Variants in CEP85 observed in about 807,000 individuals in gnomAD.
CEP85 encodes the protein centrosomal protein of 85 kDa.
Under a neutral mutation model 93.7 loss-of-function variants are expected in CEP85, and 58 were observed. That is an observed-to-expected ratio of 0.62 (90% CI 0.50 to 0.77). The LOEUF (loss-of-function observed/expected upper bound fraction) is 0.77. CEP85 is among the 30% of genes least tolerant of loss of function. The pLI, the probability that CEP85 is intolerant of heterozygous loss-of-function variation, is 0.00. For missense variants in CEP85, 868 were observed against 922.0 expected, an observed-to-expected ratio of 0.94 and a Z score of 0.76; for synonymous variants, 314 against 338.6, an observed-to-expected ratio of 0.93 and a Z score of 0.80.
Position 26,272,617 on chromosome 1 carries a change from ATTTTTTTT to A in CEP85, c.1794+566_1794+573del, listed in dbSNP as rs397861910. On this transcript the variant is annotated intron_variant, in intron 11 of 13. Coordinates refer to ENST00000451429, the MANE Select transcript of CEP85 (RefSeq NM_001319944.2). ...GTAGGTGGTGGGCATCTATTACAGC[ATTTTTTTT>A]TTTTTTTTTTTTTTTTTTTGGAGAC... Among the ~76,000 whole-genome samples, 15 of 89,690 alleles carry A rather than the reference ATTTTTTTT, an allele frequency of 1.7e-4. No homozygotes were observed. The South Asian group carries it at 4.4e-3, about 26-fold the overall frequency. The allele number at this position is 89,690 out of a possible 152,430, so 58.8% of individuals were successfully genotyped here.
intron 7 of CEP85, among the ~76,000 whole-genome samples, chr1:26,264,529 T>G (rs1465060586): frequency 6.6e-6 from 1 of 152,070 alleles, no homozygotes; most frequent in Non-Finnish European, 1.5e-5. Flanking sequence ...GTGAGACTCC[T>G]TCAAAAAAAT....
chr1:26,276,576 A>C lies in CEP85; in HGVS notation c.1944A>C (p.Thr648=), dbSNP rs746148727. Residue 648 remains threonine, a synonymous_variant, in exon 13 of 14, where the codon ACA becomes ACC. Coordinates refer to ENST00000451429, the MANE Select transcript of CEP85 (RefSeq NM_001319944.2). The part of the protein sequence containing the change: ...QNQDLIEKNL[T]LQEHLRQAQP... ...AGGACTTGATTGAGAAGAATCTGAC[A>C]CTCCAGGAACACCTGCGCCAGGCCC... 6.2e-7 allele frequency: 1 copy of C among 1,614,054 alleles called. No homozygotes were observed. The highest frequency in any genetic ancestry group is 1.1e-5 in the South Asian group (1 of 91,076).
Position 26,241,502 on chromosome 1 carries a change from G to A in CEP85, c.55+1664G>A, listed in dbSNP as rs61235355. Among the ~76,000 whole-genome samples, 1,364 of 151,926 alleles carry A rather than the reference G, an allele frequency of 9.0e-3. 23 individuals are homozygous for A. The highest frequency in any genetic ancestry group is 0.031 in the African/African-American group (1,274 of 41,464). On this transcript the variant is annotated intron_variant, in intron 2 of 13. Coordinates refer to ENST00000451429, the MANE Select transcript of CEP85 (RefSeq NM_001319944.2). Reference sequence around the variant, plus strand: ...CTTGTGATCTGCCCGCCTGGGCCTCGCAAAGTGCTGGGATTACAGGCGTGA... The same window carrying A: ...CTTGTGATCTGCCCGCCTGGGCCTCACAAAGTGCTGGGATTACAGGCGTGA...
intron 3 of CEP85, 114 bp downstream of exon 3, chr1:26,244,432 C>A: frequency 2.2e-6 from 2 of 915,526 alleles, no homozygotes; most frequent in Non-Finnish European, 3.4e-6. Flanking sequence ...TAACGTCATT[C>A]CATTTCATTC....
At chr1:26,276,821 C>T in intron 13 of CEP85, 61 bp downstream of exon 13, 1 of 1,294,166 alleles carries the variant, frequency 7.7e-7, no homozygotes, top group South Asian at 1.3e-5. Flanking sequence ...TTCTCTCCCC[C>T]ATCCTGCTTT....
At chr1:26,234,352 C>T (rs1238978394) in intron 1 of CEP85, 42 bp downstream of exon 1, 1 of 152,286 alleles carries the variant, frequency 6.6e-6, no homozygotes, top group East Asian at 1.9e-4. Context: ...TAGTGGCCGA[C>T]CTTGCCTCTC....
intron 1 of CEP85, among the ~76,000 whole-genome samples, chr1:26,238,957 C>T (rs563873375): frequency 9.9e-5 from 15 of 152,156 alleles, no homozygotes; most frequent in African/African-American, 3.6e-4. Flanking sequence ...CATCTTTTTA[C>T]ATCGTATGAC....
At chr1:26,239,669 A>G (rs547490180) in intron 1 of CEP85, 93 bp from the exon 2 acceptor site, 19 of 807,758 alleles carry the variant, frequency 2.4e-5, no homozygotes, top group East Asian at 1.9e-4. Flanking sequence ...TGAATATTCT[A>G]TATGGTTTTG....
rs2090076534 is a variant in CEP85 at position 26,277,884 on chromosome 1, C to T, written c.*591C>T. The T allele has an allele frequency of 6.5e-6, 1 of 152,948 alleles. No individual in the cohort carries two copies. The highest frequency in any genetic ancestry group is 2.4e-5 in the African/African-American group (1 of 41,388). 9.5% of individuals were successfully genotyped at this position (152,948 alleles called of 1,614,324 possible). On this transcript the variant is annotated 3_prime_UTR_variant, in exon 14 of 14. Coordinates refer to ENST00000451429, the MANE Select transcript of CEP85 (RefSeq NM_001319944.2). ...TAGCACGTAACTACTAGGATTGGGG[C>T]CCTAGGGATTATAGCCAGGACTCTA...
chr1:26,252,731 A>ATG (rs2089638186), intron 3 of CEP85, among the ~76,000 whole-genome samples: 1 of 151,820 alleles, frequency 6.6e-6, no homozygotes, highest in Non-Finnish European at 1.5e-5. Flanking sequence ...TTGTTTTGTT[A>ATG]CGTGTGTGTG....
chr1:26,278,514 G>A lies in CEP85; in HGVS notation c.*1221G>A, dbSNP rs2090084622. 1 of 152,584 alleles carries A rather than the reference G, an allele frequency of 6.6e-6. No individual in the cohort carries two copies. The highest frequency in any genetic ancestry group is 6.5e-5 in the Admixed American group (1 of 15,268). 9.5% of individuals were successfully genotyped at this position (152,584 alleles called of 1,614,324 possible). A position where few individuals can be genotyped will look rare whatever the true frequency, so the allele number is the denominator to read the frequency against. On this transcript the variant is annotated 3_prime_UTR_variant, in exon 14 of 14. Transcript: ENST00000451429. ...GGCAGCATCTTGGACCTCATGCCTG[G>A]GCCTGAATGAGGCTCTTTCTTAAGT...
intron 3 of CEP85, among the ~76,000 whole-genome samples, chr1:26,252,983 T>G (rs2089642485): frequency 6.6e-6 from 1 of 152,202 alleles, no homozygotes; most frequent in Non-Finnish European, 1.5e-5. Context: ...CACATATAAG[T>G]AAGAACGTGC....
intron 2 of CEP85, among the ~76,000 whole-genome samples, chr1:26,240,566 T>A (rs1226444624): frequency 5.4e-5 from 8 of 148,106 alleles, no homozygotes; most frequent in African/African-American, 2.0e-4. Flanking sequence ...AAGATACCAT[T>A]AAAAAAAAAA....
intron 2 of CEP85, 33 bp from the exon 3 acceptor site, chr1:26,244,133 C>G (rs1360995876): frequency 6.2e-7 from 1 of 1,600,990 alleles, no homozygotes; most frequent in Admixed American, 1.7e-5. Flanking sequence ...TCAGCTGGTT[C>G]ACAGTAAAGG....
chr1:26,264,928 T>A lies in CEP85; in HGVS notation c.1342-3555T>A, dbSNP rs898872229. ...CCCAGATTCAAACTATTCTCTCTCA[T>A]GCCTCAGCTACCTGAGTAGCTGGGA... is the stretch of plus-strand genomic sequence containing the variant. On this transcript the variant is annotated intron_variant, in intron 7 of 13. Coordinates refer to ENST00000451429, the MANE Select transcript of CEP85 (RefSeq NM_001319944.2). 1.9e-4 allele frequency among the ~76,000 whole-genome samples: 28 copies of A among 151,208 alleles called. 1 individual carries two copies. The highest frequency in any genetic ancestry group is 1.2e-4 in the Non-Finnish European group (8 of 67,880).
In CEP85 at chr1:26,269,544, T is replaced by G. The variant is rs1277767188; in HGVS notation, c.1579T>G (p.Cys527Gly). ...ESLLEETQAI[C>G]REKEIQLESL... ...TTTGCTGGAGGAGACCCAGGCAATC[T>G]GCAGAGAGAAGGAGATTCAACTGGA... Residue 527 changes from cysteine to glycine, a missense_variant, in exon 9 of 14, where the codon TGC becomes GGC. By Grantham distance (159) the Cys-to-Gly change is radical. Coordinates refer to ENST00000451429, the MANE Select transcript of CEP85 (RefSeq NM_001319944.2). 1 of 1,614,048 alleles carries G rather than the reference T, an allele frequency of 6.2e-7. No individual in the cohort carries two copies. Among genetic ancestry groups the G allele is most frequent in the Non-Finnish European group, 8.5e-7 (1 of 1,179,956 alleles).
intron 7 of CEP85, among the ~76,000 whole-genome samples, chr1:26,264,081 A>C (rs1046037285): frequency 6.6e-6 from 1 of 152,040 alleles, no homozygotes; most frequent in Non-Finnish European, 1.5e-5. Context: ...TTTTTGTTTC[A>C]TGGGTACAGT....
intron 7 of CEP85, among the ~76,000 whole-genome samples, chr1:26,266,144 G>A (rs1289893456): frequency 6.6e-6 from 1 of 151,810 alleles, no homozygotes; most frequent in Non-Finnish European, 1.5e-5. Context: ...GGGAGGTGGA[G>A]GTTCCAGTGA....
chr1:26,257,567 C>G, intron 4 of CEP85, 30 bp from the exon 5 acceptor site: 2 of 1,612,712 alleles, frequency 1.2e-6, no homozygotes, highest in South Asian at 1.1e-5. Context: ...GGGTCAAGAT[C>G]AAGCTCATCT....
Sources: allele counts gnomAD v4.1 joint callset (sites outside exome capture counted in the v4.1 genomes callset), GRCh38; gene constraint gnomAD v4.1.1; transcripts MANE v1.5; gene names NCBI Gene and HGNC (gene_info 2026-07-23, HGNC 2026-07-21).